Variants in SOS2 observed in about 807,000 individuals in gnomAD.
The protein encoded by SOS2 is son of sevenless homolog 2.
A neutral mutation model predicts 148.2 loss-of-function variants in SOS2; 65 were observed. That is an observed-to-expected ratio of 0.44 (90% confidence interval 0.36 to 0.54). The LOEUF (loss-of-function observed/expected upper bound fraction) is 0.54. Among genes scored for constraint, SOS2 ranks in the 20% least tolerant of loss-of-function variants. The pLI is 0.00. For missense variants in SOS2, 1,341 were observed against 1,590.2 expected, an observed-to-expected ratio of 0.84 and a Z score of 2.67; for synonymous variants, 539 against 537.1, an observed-to-expected ratio of 1.00 and a Z score of -0.05.
chr14:50,191,501 C>T (rs1454999925), intron 4 of SOS2, among the ~76,000 whole-genome samples: 1 of 152,078 alleles, frequency 6.6e-6, no homozygotes, highest in Non-Finnish European at 1.5e-5. Context: ...AACCCCCCAG[C>T]TCCAAACAAT....
Position 50,118,716 on chromosome 14 carries a change from T to C in SOS2, c.3627A>G (p.Arg1209=). Reference sequence around the variant, plus strand: ...GTGGAGGGGTATCAGGAAGAGGATCTCTTGGTGGTGGCGGAGGTGGACTAT... The same window carrying C: ...GTGGAGGGGTATCAGGAAGAGGATCCCTTGGTGGTGGCGGAGGTGGACTAT... The part of the protein sequence containing the change: ...PLHSPPPPPP[R]DPLPDTPPPV... The change falls in exon 23 of 23, where the codon AGA becomes AGG. Residue 1209 remains arginine (R), a synonymous_variant. Transcript: ENST00000216373. The C allele has an allele frequency of 1.2e-6, 2 of 1,613,362 alleles. No homozygotes were observed. Among genetic ancestry groups the C allele is most frequent in the Non-Finnish European group, 1.7e-6 (2 of 1,179,918 alleles).
chr14:50,180,425 G>A, intron 7 of SOS2, 147 bp downstream of exon 7: 1 of 550,292 alleles, frequency 1.8e-6, no homozygotes, highest in Middle Eastern at 4.8e-4. Context: ...AGAGAAAACA[G>A]AAGATAATCC....
intron 1 of SOS2, chr14:50,215,339 G>A: frequency 8.1e-7 from 1 of 1,235,576 alleles, no homozygotes; most frequent in Non-Finnish European, 1.0e-6. Context: ...TATGAAAACA[G>A]TCATAAAAAT....
chr14:50,190,381 T>G (rs1886090274), intron 4 of SOS2, among the ~76,000 whole-genome samples: 1 of 152,172 alleles, frequency 6.6e-6, no homozygotes, highest in Non-Finnish European at 1.5e-5. Context: ...CTGATCACCA[T>G]AAACTGTACC....
intron 6 of SOS2, among the ~76,000 whole-genome samples, chr14:50,181,443 A>G (rs1383948706): frequency 2.4e-5 from 1 of 41,932 alleles, no homozygotes. Context: ...GGGAGACTCC[A>G]TGTCAAAAAA....
At chr14:50,205,347 A>G (rs1309326787) in intron 1 of SOS2, among the ~76,000 whole-genome samples, 1 of 152,148 alleles carries the variant, frequency 6.6e-6, no homozygotes, top group Non-Finnish European at 1.5e-5. Flanking sequence ...CACTGCACCC[A>G]GCCTGCTTTA....
chr14:50,118,391 G>C lies in SOS2; in HGVS notation c.3952C>G (p.Pro1318Ala), dbSNP rs140995728. The change falls in exon 23 of 23, where the codon CCA becomes GCA. Residue 1318 changes from proline (P) to alanine (A), a missense_variant. Pro to Ala is a conservative substitution (Grantham distance 27). Coordinates refer to ENST00000216373, the MANE Select transcript of SOS2 (RefSeq NM_006939.4). The stretch of plus-strand genomic sequence containing the variant: ...TCTAGCAAAGGCAGTCTGTACAATG[G>C]GGGGTGCGAAAGCTCCCGTTTGTAA... ...KTYKRELSHP[P>A]LYRLPLLENA... is the part of the protein sequence containing the mutation. 4 of 1,613,986 alleles carry C rather than the reference G, an allele frequency of 2.5e-6. No individual in the cohort carries two copies. In the African/African-American group the frequency reaches 4.0e-5, roughly 16 times the overall value.
chr14:50,140,902 A>G lies in SOS2; in HGVS notation c.2668-843T>C, dbSNP rs749935450. On this transcript the variant is annotated intron_variant, in intron 16 of 22. Coordinates refer to ENST00000216373, the MANE Select transcript of SOS2 (RefSeq NM_006939.4). Reference sequence around the variant, plus strand: ...TCTAGATATCATCAATAAAGAAATCAGGATTTAAAAAAAATTCTGAGGCCA... The same window carrying G: ...TCTAGATATCATCAATAAAGAAATCGGGATTTAAAAAAAATTCTGAGGCCA... 9.2e-5 allele frequency among the ~76,000 whole-genome samples: 14 copies of G among 152,252 alleles called. No individual in the cohort carries two copies. In the Middle Eastern group the frequency reaches 0.014, roughly 148 times the overall value.
chr14:50,178,670 G>GTATA lies in SOS2; in HGVS notation c.969+1901_969+1902insTATA, dbSNP rs1566839555. 1.9e-3 allele frequency among the ~76,000 whole-genome samples: 129 copies of GTATA among 67,986 alleles called. 1 individual carries two copies. Among genetic ancestry groups the GTATA allele is most frequent in the South Asian group, 0.018 (38 of 2,118 alleles). 44.6% of individuals were successfully genotyped at this position (67,986 alleles called of 152,430 possible). A position where few individuals can be genotyped will look rare whatever the true frequency, so the allele number is the denominator to read the frequency against. ...CTAGTGTGTGTGTGTGTGTGTGTGTGCATATATATATATATATATATATAT... is the reference window on the plus strand; with the variant it reads ...CTAGTGTGTGTGTGTGTGTGTGTGTGTATACATATATATATATATATATATATAT... On this transcript the variant is annotated intron_variant, in intron 7 of 22. Coordinates refer to ENST00000216373, the MANE Select transcript of SOS2 (RefSeq NM_006939.4).
chr14:50,136,532 G>C (rs1023823815), intron 18 of SOS2, among the ~76,000 whole-genome samples: 4 of 151,968 alleles, frequency 2.6e-5, no homozygotes, highest in Non-Finnish European at 5.9e-5. Context: ...ATGGTGAGAG[G>C]GGATGAAATA....
At chr14:50,227,826 T>A (rs1475072165) in intron 1 of SOS2, among the ~76,000 whole-genome samples, 2 of 152,200 alleles carry the variant, frequency 1.3e-5, no homozygotes, top group Admixed American at 6.5e-5. Flanking sequence ...AATACATATA[T>A]ATATGGATCT....
intron 1 of SOS2, among the ~76,000 whole-genome samples, chr14:50,209,274 C>CGTGTGTGTGTGT (rs140994310): frequency 0.027 from 3,222 of 118,304 alleles, 188 homozygotes; most frequent in Middle Eastern, 0.045. Context: ...CCTTAAATGT[C>CGTGTGTGTGTGT]GTGTGTGTGT....
At chr14:50,137,551 A>G (rs1042793868) in intron 18 of SOS2, among the ~76,000 whole-genome samples, 1 of 152,214 alleles carries the variant, frequency 6.6e-6, no homozygotes, top group Non-Finnish European at 1.5e-5. Flanking sequence ...TAGAATGTCT[A>G]ATGTTTAACA....
chr14:50,178,670 G>GTATATATATA (rs1566839555), intron 7 of SOS2, among the ~76,000 whole-genome samples: 11 of 68,002 alleles, frequency 1.6e-4, no homozygotes, highest in Non-Finnish European at 3.5e-4. Context: ...GTGTGTGTGT[G>GTATATATATA]CATATATATA....
In SOS2 at chr14:50,207,503, C is replaced by T. The variant is rs558182469; in HGVS notation, c.88-3094G>A. Among the ~76,000 whole-genome samples the T allele has an allele frequency of 2.0e-5, 3 of 151,418 alleles. No individual in the cohort carries two copies. In the South Asian group the frequency reaches 6.3e-4, roughly 32 times the overall value. ...TCCAGCCTGGGGGAATGAGCAAGAC[C>T]TCATCTCTAAAAGAAAACAAAATTA... On this transcript the variant is annotated intron_variant, in intron 1 of 22. Transcript: ENST00000216373.
intron 14 of SOS2, among the ~76,000 whole-genome samples, chr14:50,149,580 CAG>C (rs1441105288): frequency 6.6e-6 from 1 of 152,144 alleles, no homozygotes; most frequent in African/African-American, 2.4e-5. Context: ...CATTTTTCGA[CAG>C]AGAGCTGTTA....
rs11342999 is a variant in SOS2, at chr14:50,201,532, G to GAAAA, written c.214-452_214-449dup. 1.5e-4 allele frequency among the ~76,000 whole-genome samples: 14 copies of GAAAA among 90,554 alleles called. No homozygotes were observed. In the South Asian group the frequency reaches 3.9e-3, roughly 26 times the overall value. The allele number at this position is 90,554 out of a possible 152,430, so 59.4% of individuals were successfully genotyped here. A position where few individuals can be genotyped will look rare whatever the true frequency, so the allele number is the denominator to read the frequency against. Reference sequence around the variant, plus strand: ...CTGGGTGAGAGGGAGACCCCCAACAGAAAAAAAAAAAAAAAAAAAGGTCAA... The same window carrying GAAAA: ...CTGGGTGAGAGGGAGACCCCCAACAGAAAAAAAAAAAAAAAAAAAAAAAGGTCAA... On this transcript the variant is annotated intron_variant, in intron 2 of 22. Coordinates refer to ENST00000216373, the MANE Select transcript of SOS2 (RefSeq NM_006939.4).
At position 50,118,576 on chromosome 14, in the gene SOS2, G is replaced by A. The variant is rs747726856; in HGVS notation, c.3767C>T (p.Pro1256Leu). 1.2e-6 allele frequency: 2 copies of A among 1,614,138 alleles called. No homozygotes were observed. Among genetic ancestry groups the A allele is most frequent in the Non-Finnish European group, 1.7e-6 (2 of 1,180,032 alleles). Residue 1256 changes from proline (P) to leucine (L), a missense_variant, in exon 23 of 23, where the codon CCA (proline) becomes CTA (leucine). Pro to Leu is a moderately conservative substitution (Grantham distance 98). Around this residue, in one of 4 missense-constraint regions of SOS2, gnomAD observed 354 missense variants for 347.7 expected, o/e 1.02. Transcript: ENST00000216373. ...SDWLRDISTC[P>L]NSPSTPPSTP... Reference sequence around the variant, plus strand: ...GCTAGGAGGAGTGCTTGGCGAATTTGGACACGTACTAATGTCTCTGAGCCA... The same window carrying A: ...GCTAGGAGGAGTGCTTGGCGAATTTAGACACGTACTAATGTCTCTGAGCCA...
At chr14:50,192,871 A>T (rs185570650) in intron 4 of SOS2, among the ~76,000 whole-genome samples, 3,520 of 151,426 alleles carry the variant, frequency 0.023, 138 homozygotes, top group African/African-American at 0.08. Context: ...CTCAGAAGGA[A>T]AAAAAAAAGT....
Sources: gnomAD v4.1 joint callset for allele counts (sites outside exome capture counted in the v4.1 genomes callset) on GRCh38, gnomAD v4.1.1 for gene constraint, gnomAD v4.1.1 regional missense constraint, MANE v1.5 for transcripts, NCBI Gene and HGNC (gene_info 2026-07-23, HGNC 2026-07-21) for gene names.